VPS8: variants seen among roughly 807,000 people sequenced by gnomAD.
VPS8 encodes the protein vacuolar protein sorting-associated protein 8 homolog.
VPS8 carries 129 observed loss-of-function variants against 216.4 expected under a neutral mutation model. The observed-to-expected ratio is 0.60, with a 90% confidence interval of 0.52 to 0.69. The LOEUF is 0.69. Among genes scored for constraint, VPS8 ranks in the 30% least tolerant of loss-of-function variants. The pLI is 0.00. For synonymous variants in VPS8, 571 were observed against 565.4 expected (o/e 1.01, Z -0.14); for missense variants, 1,531 against 1,683.5 (o/e 0.91, Z 1.59).
chr3:185,001,058 T>A lies in VPS8; in HGVS notation c.4002+1197T>A, dbSNP rs2109913633. Among the ~76,000 whole-genome samples the A allele has an allele frequency of 2.0e-5, 3 of 152,322 alleles. 1 individual carries two copies. The South Asian group carries it at 6.2e-4, about 32-fold the overall frequency. On this transcript the variant is annotated intron_variant, in intron 45 of 47. Coordinates refer to ENST00000625842, the MANE Select transcript of VPS8 (RefSeq NM_001009921.3). ...TTCCCCAAGTTTGTATTGAACAGTG[T>A]GATAGGCACTGTGCCAGGTGCCTGG... is the stretch of plus-strand genomic sequence containing the variant.
At chr3:184,829,427 G>A (rs974638843) in intron 3 of VPS8, among the ~76,000 whole-genome samples, 3 of 152,148 alleles carry the variant, frequency 2.0e-5, no homozygotes, top group Non-Finnish European at 4.4e-5. Flanking sequence ...TGTTGGCCAG[G>A]CTGGTCTCGA....
At chr3:184,974,041 A>G (rs1748862563) in intron 40 of VPS8, among the ~76,000 whole-genome samples, 1 of 152,154 alleles carries the variant, frequency 6.6e-6, no homozygotes, top group African/African-American at 2.4e-5. Flanking sequence ...ACTGATTACA[A>G]TATATTTCCT....
chr3:184,917,642 G>A (rs1260156841), intron 28 of VPS8, among the ~76,000 whole-genome samples: 1 of 152,206 alleles, frequency 6.6e-6, no homozygotes, highest in Admixed American at 6.5e-5. Flanking sequence ...CTGACCTCAG[G>A]TGATCTGCCC....
At chr3:185,015,935 G>GA (rs1432838819) in intron 45 of VPS8, among the ~76,000 whole-genome samples, 3 of 152,350 alleles carry the variant, frequency 2.0e-5, no homozygotes, top group Admixed American at 6.5e-5. Flanking sequence ...ACCAGTGGGT[G>GA]AATGCTGAGT....
intron 42 of VPS8, among the ~76,000 whole-genome samples, chr3:184,988,075 A>C (rs777214000): frequency 1.3e-5 from 2 of 152,202 alleles, no homozygotes; most frequent in Non-Finnish European, 2.9e-5. Flanking sequence ...TCTTTATCAC[A>C]TGCGTGTTTT....
intron 25 of VPS8, among the ~76,000 whole-genome samples, chr3:184,908,159 G>C (rs1012145468): frequency 2.0e-5 from 3 of 152,136 alleles, no homozygotes; most frequent in Non-Finnish European, 4.4e-5. Flanking sequence ...TTCCCACAGA[G>C]TGAGTTCTGA....
intron 40 of VPS8, among the ~76,000 whole-genome samples, chr3:184,972,867 T>C (rs1291872966): frequency 6.6e-6 from 1 of 152,212 alleles, no homozygotes; most frequent in East Asian, 1.9e-4. Context: ...GGCTCAGGCC[T>C]CTGACTTGAC....
intron 37 of VPS8, among the ~76,000 whole-genome samples, chr3:184,962,025 G>A (rs1408680974): frequency 6.6e-6 from 1 of 152,190 alleles, no homozygotes; most frequent in East Asian, 1.9e-4. Flanking sequence ...GCCTCCCAAA[G>A]TTCTGGGATT....
intron 10 of VPS8, 27 bp from the exon 11 acceptor site, chr3:184,852,473 A>G (rs1724484219): frequency 3.7e-6 from 6 of 1,604,732 alleles, no homozygotes; most frequent in Admixed American, 1.7e-5. Context: ...AAAAATGTAC[A>G]AGAAAATAAA....
intron 38 of VPS8, among the ~76,000 whole-genome samples, chr3:184,965,610 T>G (rs978074125): frequency 6.6e-6 from 1 of 152,246 alleles, no homozygotes; most frequent in African/African-American, 2.4e-5. Flanking sequence ...CAGATTTTGT[T>G]GGACACGCTA....
chr3:184,874,235 C>T lies in VPS8; in HGVS notation c.1734+3430C>T, dbSNP rs538724388. On this transcript the variant is annotated intron_variant, in intron 21 of 47. Transcript: ENST00000625842. ...TAGTATATTCCTGGAATGCCTGTGACGTAACATAATTGATTTCATTAAAGC... is the reference window on the plus strand; with the variant it reads ...TAGTATATTCCTGGAATGCCTGTGATGTAACATAATTGATTTCATTAAAGC... Among the ~76,000 whole-genome samples the T allele has an allele frequency of 1.9e-4, 29 of 152,080 alleles. No homozygotes were observed. In the East Asian group the frequency reaches 4.1e-3, roughly 21 times the overall value.
chr3:184,912,180 C>A (rs2109063264), intron 25 of VPS8, among the ~76,000 whole-genome samples: 1 of 152,302 alleles, frequency 6.6e-6, no homozygotes, highest in African/African-American at 2.4e-5. Context: ...TGAGCGTTAG[C>A]CTTCTCTTTG....
intron 8 of VPS8, among the ~76,000 whole-genome samples, chr3:184,844,806 T>C (rs889894886): frequency 4.6e-5 from 7 of 152,250 alleles, no homozygotes; most frequent in Admixed American, 1.3e-4. Context: ...AGATGTGTTG[T>C]TTGTGATATT....
intron 29 of VPS8, among the ~76,000 whole-genome samples, chr3:184,924,497 A>G (rs896004676): frequency 1.3e-5 from 2 of 151,832 alleles, no homozygotes; most frequent in Non-Finnish European, 2.9e-5. Flanking sequence ...AGCTTGGGCA[A>G]CAGAACGAGA....
At chr3:184,954,422 C>G (rs1745231382) in intron 36 of VPS8, among the ~76,000 whole-genome samples, 1 of 152,168 alleles carries the variant, frequency 6.6e-6, no homozygotes, top group African/African-American at 2.4e-5. Context: ...TTCCAGCTCT[C>G]TAATCACATG....
In VPS8 at chr3:184,894,712, A is replaced by T. The variant is rs1300004818; in HGVS notation, c.1791A>T (p.Leu597Phe). The part of the protein sequence containing the change: ...YCLLLQRKDL[L>F]FSQMYDKLSE... Reference sequence around the variant, plus strand: ...CCCCTTTCTGTTACAGGGATCTTTTATTTAGTCAGATGTATGATAAATTAA... The same window carrying T: ...CCCCTTTCTGTTACAGGGATCTTTTTTTTAGTCAGATGTATGATAAATTAA... Residue 597 changes from leucine to phenylalanine, a missense_variant, in exon 23 of 48, where the codon TTA becomes TTT. By Grantham distance (22) the Leu-to-Phe change is conservative (BLOSUM62 0). Around this residue, in one of 3 missense-constraint regions of VPS8, gnomAD observed 1,318 missense variants for 1,468.4 expected, o/e 0.90. Transcript: ENST00000625842. 6.3e-7 allele frequency: 1 copy of T among 1,597,730 alleles called. No homozygotes were observed. The highest frequency in any genetic ancestry group is 8.5e-7 in the Non-Finnish European group (1 of 1,171,340).
intron 36 of VPS8, among the ~76,000 whole-genome samples, chr3:184,947,199 A>G (rs893020156): frequency 1.3e-5 from 2 of 152,202 alleles, no homozygotes; most frequent in Non-Finnish European, 2.9e-5. Context: ...ATGTCCTGCC[A>G]TCAGGCAGAT....
intron 45 of VPS8, among the ~76,000 whole-genome samples, chr3:185,013,579 C>T (rs1755354408): frequency 6.6e-6 from 1 of 152,214 alleles, no homozygotes; most frequent in African/African-American, 2.4e-5. Flanking sequence ...TAGCCGAAGA[C>T]AAGTTTGTAG....
intron 5 of VPS8, among the ~76,000 whole-genome samples, chr3:184,836,676 ATGGT>A (rs1721152783): frequency 6.6e-6 from 1 of 152,042 alleles, no homozygotes; most frequent in African/African-American, 2.4e-5. Flanking sequence ...CTTTCCTGTG[ATGGT>A]TGGTTTATTA....
Sources: gnomAD v4.1 joint callset for allele counts (sites outside exome capture counted in the v4.1 genomes callset) on GRCh38, gnomAD v4.1.1 for gene constraint, gnomAD v4.1.1 regional missense constraint, MANE v1.5 for transcripts, NCBI Gene and HGNC (gene_info 2026-07-23, HGNC 2026-07-21) for gene names.